CA10: variants seen among roughly 807,000 people sequenced by gnomAD.
The protein encoded by CA10 is carbonic anhydrase 10 (inactive), also known as carbonic anhydrase-related protein 10.
In CA10, 14 loss-of-function variants were observed where a neutral mutation model predicts 44.2. The ratio of observed to expected loss-of-function variants is 0.32; its 90% CI spans 0.21 to 0.50. The LOEUF (loss-of-function observed/expected upper bound fraction) is 0.50, where lower values mean the gene tolerates loss of function less well. Ranked by LOEUF, CA10 falls within the 20% of genes least tolerant of loss-of-function variation. CA10 has a pLI of 0.99. For missense variants in CA10, 350 were observed against 409.7 expected (o/e 0.85, Z 1.26); for synonymous variants, 159 against 141.6 (o/e 1.12, Z -0.87).
At chr17:51,727,482 T>C (rs1274428390) in intron 4 of CA10, among the ~76,000 whole-genome samples, 2 of 152,100 alleles carry the variant, frequency 1.3e-5, no homozygotes, top group Non-Finnish European at 2.9e-5. Context: ...GATGGCTCCA[T>C]GTGAGTGATG....
chr17:52,049,261 G>T lies in CA10; in HGVS notation c.136+23058C>A, dbSNP rs888465630. 2.6e-5 allele frequency among the ~76,000 whole-genome samples: 4 copies of T among 152,190 alleles called. No individual in the cohort carries two copies. In the East Asian group the frequency reaches 7.8e-4, roughly 29 times the overall value. On this transcript the variant is annotated intron_variant, in intron 2 of 8. Coordinates refer to ENST00000451037, the MANE Select transcript of CA10 (RefSeq NM_020178.5). ...TACCATGGCAGAGTACTCAGAATGT[G>T]AATTCTGCAGCTGGACTGCCTGGGT...
intron 3 of CA10, among the ~76,000 whole-genome samples, chr17:51,877,539 T>G (rs1197049873): frequency 6.6e-6 from 1 of 152,178 alleles, no homozygotes; most frequent in Non-Finnish European, 1.5e-5. Flanking sequence ...TGTAATGCAT[T>G]AGCAGAACTA....
At chr17:52,146,905 C>T (rs1989601048) in intron 1 of CA10, among the ~76,000 whole-genome samples, 1 of 151,972 alleles carries the variant, frequency 6.6e-6, no homozygotes. Flanking sequence ...CCCAAGTCAC[C>T]ACTAAATACA....
At chr17:52,146,485 T>C (rs949142017) in intron 1 of CA10, among the ~76,000 whole-genome samples, 3 of 151,472 alleles carry the variant, frequency 2.0e-5, no homozygotes, top group Non-Finnish European at 3.0e-5. Context: ...GGTCAGGAGA[T>C]AGAGACCATC....
intron 4 of CA10, 47 bp from the exon 5 acceptor site, chr17:51,653,783 A>T (rs767209024): frequency 3.5e-6 from 4 of 1,131,426 alleles, no homozygotes; most frequent in African/African-American, 1.5e-5. Context: ...CCAACATTAA[A>T]AGGTATGAGG....
chr17:52,031,946 ATT>A (rs1270105312), intron 2 of CA10, among the ~76,000 whole-genome samples: 1 of 152,212 alleles, frequency 6.6e-6, no homozygotes, highest in Non-Finnish European at 1.5e-5. Flanking sequence ...AGGGACCAAA[ATT>A]TGAAATTGAA....
At chr17:51,819,920 G>T (rs1413438371) in intron 3 of CA10, among the ~76,000 whole-genome samples, 1 of 152,020 alleles carries the variant, frequency 6.6e-6, no homozygotes, top group Non-Finnish European at 1.5e-5. Flanking sequence ...CTGTCTGCCT[G>T]TTCCTCTTTG....
rs1912753017 is a variant in CA10 at position 51,634,842 on chromosome 17, C to T, written c.789+1013G>A. Among the ~76,000 whole-genome samples, 6 of 152,200 alleles carry T rather than the reference C, an allele frequency of 3.9e-5. No homozygotes were observed. In the South Asian group the frequency reaches 1.2e-3, roughly 32 times the overall value. Reference sequence around the variant, plus strand: ...TTTTAAAACCCAACTTTTTCAAATGCATAATGACATCTTCCATTTTGCTTG... The same window carrying T: ...TTTTAAAACCCAACTTTTTCAAATGTATAATGACATCTTCCATTTTGCTTG... On this transcript the variant is annotated intron_variant, in intron 7 of 8. Transcript: ENST00000451037.
intron 2 of CA10, among the ~76,000 whole-genome samples, chr17:51,992,888 C>T (rs1247405830): frequency 6.6e-6 from 1 of 152,044 alleles, no homozygotes; most frequent in Non-Finnish European, 1.5e-5. Context: ...TTTCAATTAT[C>T]AAGATTTACA....
chr17:51,878,112 C>T (rs138077058), intron 3 of CA10, among the ~76,000 whole-genome samples: 1 of 135,972 alleles, frequency 7.4e-6, no homozygotes, highest in Non-Finnish European at 1.5e-5. Context: ...CCACTGCACT[C>T]CAGCCTGGGT....
At chr17:51,714,835 A>G (rs79715297) in intron 4 of CA10, among the ~76,000 whole-genome samples, 10,138 of 152,268 alleles carry the variant, frequency 0.067, 586 homozygotes, top group African/African-American at 0.15. Flanking sequence ...ATTGGAAATT[A>G]CGGCTCTTCC....
intron 3 of CA10, among the ~76,000 whole-genome samples, chr17:51,840,900 C>T (rs1978313854): frequency 6.6e-6 from 1 of 152,198 alleles, no homozygotes; most frequent in African/African-American, 2.4e-5. Flanking sequence ...AGAACAAACT[C>T]ACAGTTTATC....
chr17:51,868,890 TG>T (rs1320715244), intron 3 of CA10, among the ~76,000 whole-genome samples: 8 of 116,908 alleles, frequency 6.8e-5, no homozygotes, highest in African/African-American at 3.3e-4. Flanking sequence ...AAAGTTTTTT[TG>T]TTTTTTTTTT....
At chr17:51,744,773 C>G (rs957477388) in intron 4 of CA10, among the ~76,000 whole-genome samples, 2 of 152,168 alleles carry the variant, frequency 1.3e-5, no homozygotes, top group Admixed American at 1.3e-4. Flanking sequence ...TAGGTGTCTT[C>G]CCTTATGCTA....
At chr17:52,150,588 T>C (rs1989682158) in intron 1 of CA10, among the ~76,000 whole-genome samples, 1 of 152,172 alleles carries the variant, frequency 6.6e-6, no homozygotes, top group African/African-American at 2.4e-5. Flanking sequence ...AAAATGGATA[T>C]ATCATTTAGT....
intron 1 of CA10, among the ~76,000 whole-genome samples, chr17:52,112,513 G>A (rs1187412900): frequency 6.6e-6 from 1 of 152,198 alleles, no homozygotes; most frequent in East Asian, 1.9e-4. Flanking sequence ...GCCCTTTATA[G>A]AAAATGTTTG....
chr17:51,791,354 C>CTA (rs1452469978), intron 3 of CA10, among the ~76,000 whole-genome samples: 1 of 152,172 alleles, frequency 6.6e-6, no homozygotes, highest in Admixed American at 6.5e-5. Flanking sequence ...GCTCATATTT[C>CTA]TATCTTCATT....
Position 51,897,224 on chromosome 17 carries a change from T to C in CA10, c.279+33766A>G, listed in dbSNP as rs186780975. 1.2e-3 allele frequency among the ~76,000 whole-genome samples: 188 copies of C among 152,296 alleles called. 4 individuals are homozygous for C. The South Asian group carries it at 0.022, about 18-fold the overall frequency. ...TTAGGTTTTACATTTAAGTCTTTAA[T>C]CCACCTTGAATTGATTTGATTTTTG... is the stretch of plus-strand genomic sequence containing the variant. On this transcript the variant is annotated intron_variant, in intron 3 of 8. Transcript: ENST00000451037.
At chr17:51,744,218 G>A (rs1648507063) in intron 4 of CA10, among the ~76,000 whole-genome samples, 1 of 151,956 alleles carries the variant, frequency 6.6e-6, no homozygotes, top group South Asian at 2.1e-4. Flanking sequence ...GAGAGGCTGA[G>A]GTAGGAGAAT....
Sources: allele counts gnomAD v4.1 joint callset (sites outside exome capture counted in the v4.1 genomes callset), GRCh38; gene constraint gnomAD v4.1.1; transcripts MANE v1.5; gene names NCBI Gene and HGNC (gene_info 2026-07-23, HGNC 2026-07-21).